Variants in GALNTL6 observed in about 807,000 individuals in gnomAD.
The protein encoded by GALNTL6 is polypeptide N-acetylgalactosaminyltransferase-like 6.
In GALNTL6, 46 loss-of-function variants were observed where a neutral mutation model predicts 73.7. The observed-to-expected ratio is 0.62, with a 90% CI of 0.49 to 0.80. GALNTL6 has a LOEUF of 0.80. Ranked by LOEUF, GALNTL6 falls within the 30% of genes least tolerant of loss-of-function variation. GALNTL6 has a pLI of 0.00. For missense variants in GALNTL6, 604 were observed against 755.0 expected, an observed-to-expected ratio of 0.80 and a Z score of 2.34; for synonymous variants, 259 against 263.7, an observed-to-expected ratio of 0.98 and a Z score of 0.17.
chr4:172,047,299 C>T (rs959072024), intron 2 of GALNTL6, among the ~76,000 whole-genome samples: 1 of 152,114 alleles, frequency 6.6e-6, no homozygotes, highest in African/African-American at 2.4e-5. Flanking sequence ...ACCATCTCCT[C>T]ACTAAAGATA....
At chr4:172,619,520 GT>G (rs35656533) in intron 5 of GALNTL6, among the ~76,000 whole-genome samples, 1 of 152,102 alleles carries the variant, frequency 6.6e-6, no homozygotes, top group Non-Finnish European at 1.5e-5. Flanking sequence ...CTAATTTTAT[GT>G]TTTTGCAGTA....
At chr4:172,484,502 G>T (rs1035839234) in intron 5 of GALNTL6, among the ~76,000 whole-genome samples, 3 of 151,104 alleles carry the variant, frequency 2.0e-5, no homozygotes, top group Non-Finnish European at 2.9e-5. Flanking sequence ...GACTGAAAGC[G>T]CTGGTTGGAA....
intron 2 of GALNTL6, among the ~76,000 whole-genome samples, chr4:172,013,844 C>A (rs1305613653): frequency 6.6e-6 from 1 of 150,850 alleles, no homozygotes; most frequent in Non-Finnish European, 1.5e-5. Flanking sequence ...CATCCCTAAT[C>A]CCCACCCCCC....
At chr4:171,917,941 A>G (rs1002559499) in intron 2 of GALNTL6, among the ~76,000 whole-genome samples, 1 of 152,068 alleles carries the variant, frequency 6.6e-6, no homozygotes, top group Non-Finnish European at 1.5e-5. Context: ...TCCTGTCAAT[A>G]TTTGCTTCTA....
At chr4:172,599,829 A>G (rs1422555226) in intron 5 of GALNTL6, among the ~76,000 whole-genome samples, 1 of 152,134 alleles carries the variant, frequency 6.6e-6, no homozygotes, top group Non-Finnish European at 1.5e-5. Flanking sequence ...AGAAAATGCT[A>G]CTTAGTCACA....
intron 3 of GALNTL6, among the ~76,000 whole-genome samples, chr4:172,295,032 T>A (rs982760395): frequency 5.9e-5 from 9 of 152,184 alleles, no homozygotes; most frequent in Admixed American, 3.9e-4. Flanking sequence ...AATATAAAAA[T>A]TTTAACTCTT....
chr4:172,501,579 G>T (rs1734261911), intron 5 of GALNTL6, among the ~76,000 whole-genome samples: 1 of 152,068 alleles, frequency 6.6e-6, no homozygotes, highest in African/African-American at 2.4e-5. Context: ...CACTGAAGTT[G>T]CTAAGTATGT....
At chr4:172,642,730 A>C (rs1425034077) in intron 5 of GALNTL6, among the ~76,000 whole-genome samples, 2 of 151,982 alleles carry the variant, frequency 1.3e-5, no homozygotes, top group Non-Finnish European at 1.5e-5. Context: ...CCACAAAAAA[A>C]TGACCTATAT....
intron 2 of GALNTL6, among the ~76,000 whole-genome samples, chr4:171,891,170 A>G (rs113657910): frequency 5.5e-4 from 84 of 152,296 alleles, no homozygotes; most frequent in African/African-American, 2.0e-3. Flanking sequence ...CACTGACCTA[A>G]TTCATGTTTG....
At chr4:172,626,241 G>T (rs1579256914) in intron 5 of GALNTL6, among the ~76,000 whole-genome samples, 1 of 152,034 alleles carries the variant, frequency 6.6e-6, no homozygotes, top group South Asian at 2.1e-4. Flanking sequence ...CATATGGCTA[G>T]CCAGCTATCC....
chr4:172,721,824 T>A (rs1247083480), intron 5 of GALNTL6, among the ~76,000 whole-genome samples: 2 of 152,232 alleles, frequency 1.3e-5, no homozygotes, highest in Non-Finnish European at 2.9e-5. Context: ...TCTCGTTATG[T>A]CTAATCAAGC....
At chr4:172,909,138 G>C (rs1233650894) in intron 8 of GALNTL6, among the ~76,000 whole-genome samples, 1 of 151,608 alleles carries the variant, frequency 6.6e-6, no homozygotes, top group East Asian at 1.9e-4. Flanking sequence ...CTCAGCGATA[G>C]TACAGAACAA....
At chr4:171,829,872 C>T (rs1485871) in intron 2 of GALNTL6, among the ~76,000 whole-genome samples, 45,854 of 151,722 alleles carry the variant, frequency 0.3, 8,502 homozygotes, top group African/African-American at 0.53. Flanking sequence ...AAATGGTTAT[C>T]GCAAATGTAA....
At chr4:172,972,367 T>C (rs1434634245) in intron 10 of GALNTL6, among the ~76,000 whole-genome samples, 2 of 152,328 alleles carry the variant, frequency 1.3e-5, no homozygotes, top group South Asian at 4.1e-4. Context: ...AATTTAAAAG[T>C]ATGTTAATGT....
chr4:172,819,066 G>C (rs1187811806), intron 7 of GALNTL6, among the ~76,000 whole-genome samples: 1 of 152,228 alleles, frequency 6.6e-6, no homozygotes, highest in African/African-American at 2.4e-5. Flanking sequence ...CTTCAGACAT[G>C]AAAGATCCTC....
intron 5 of GALNTL6, among the ~76,000 whole-genome samples, chr4:172,462,992 G>GT (rs1732671131): frequency 6.6e-6 from 1 of 152,130 alleles, no homozygotes; most frequent in African/African-American, 2.4e-5. Context: ...TACAAGGACT[G>GT]CCTAAACACA....
At chr4:172,208,297 G>A (rs1736210949) in intron 2 of GALNTL6, among the ~76,000 whole-genome samples, 1 of 151,972 alleles carries the variant, frequency 6.6e-6, no homozygotes, top group Non-Finnish European at 1.5e-5. Context: ...AATTATTACT[G>A]TAAATATGAA....
intron 5 of GALNTL6, among the ~76,000 whole-genome samples, chr4:172,370,645 A>AT (rs1406759163): frequency 2.0e-5 from 3 of 151,590 alleles, no homozygotes; most frequent in Admixed American, 2.0e-4. Context: ...AAAAAAAAAA[A>AT]AAAAAAGAGT....
chr4:172,220,055 T>G (rs981747253), intron 2 of GALNTL6, among the ~76,000 whole-genome samples: 8 of 151,844 alleles, frequency 5.3e-5, no homozygotes, highest in African/African-American at 1.4e-4. Flanking sequence ...AATCTTAAAT[T>G]TATTGTCTCT....
Sources: allele counts gnomAD v4.1 joint callset (sites outside exome capture counted in the v4.1 genomes callset), GRCh38; gene constraint gnomAD v4.1.1; transcripts MANE v1.5; gene names NCBI Gene and HGNC (gene_info 2026-07-23, HGNC 2026-07-21).